The following SMIM31 variants were observed in gnomAD, a reference collection of about 807,000 sequenced individuals.
SMIM31 encodes small integral membrane protein 31, also known as human epithelial cell program regulator.
intron 2 of SMIM31, among the ~76,000 whole-genome samples, chr4:164,782,913 T>C (rs900369303): frequency 2.6e-4 from 39 of 152,112 alleles, no homozygotes; most frequent in Non-Finnish European, 2.2e-4. Flanking sequence ...CTTAAATTAA[T>C]TTCTAAATAA....
chr4:164,778,459 G>A (rs1354919192), intron 2 of SMIM31, among the ~76,000 whole-genome samples: 2 of 152,154 alleles, frequency 1.3e-5, no homozygotes, highest in Non-Finnish European at 2.9e-5. Flanking sequence ...CATTTAGGGA[G>A]TTATATGTGA....
intron 1 of SMIM31, among the ~76,000 whole-genome samples, chr4:164,769,269 G>A (rs959848031): frequency 2.6e-5 from 4 of 151,858 alleles, no homozygotes; most frequent in Non-Finnish European, 4.4e-5. Context: ...GCTTCATCAC[G>A]TCTCCGTACT....
At chr4:164,795,430 C>T (rs1733176634) in intron 2 of SMIM31, among the ~76,000 whole-genome samples, 2 of 151,552 alleles carry the variant, frequency 1.3e-5, no homozygotes, top group Admixed American at 6.6e-5. Context: ...TGGTGGTGGT[C>T]GCCTGTAATC....
intron 2 of SMIM31, among the ~76,000 whole-genome samples, chr4:164,785,337 A>AT (rs1043365882): frequency 6.6e-6 from 1 of 152,132 alleles, no homozygotes; most frequent in African/African-American, 2.4e-5. Context: ...TTCTTTAACT[A>AT]TTTTTTTGCT....
intron 2 of SMIM31, among the ~76,000 whole-genome samples, chr4:164,792,722 C>A (rs775138120): frequency 2.0e-5 from 3 of 152,060 alleles, no homozygotes; most frequent in Admixed American, 2.0e-4. Context: ...ACAGATTCAC[C>A]AAAGTTGCTA....
At chr4:164,768,638 A>G (rs1343793299) in intron 1 of SMIM31, among the ~76,000 whole-genome samples, 2 of 152,216 alleles carry the variant, frequency 1.3e-5, no homozygotes, top group African/African-American at 2.4e-5. Flanking sequence ...AGGGTACTAC[A>G]TATGTATAAT....
chr4:164,757,544 G>A (rs992158589), intron 1 of SMIM31, among the ~76,000 whole-genome samples: 2 of 150,950 alleles, frequency 1.3e-5, no homozygotes, highest in African/African-American at 4.9e-5. Flanking sequence ...AAGTCTTACT[G>A]TTTTAGCTTT....
intron 2 of SMIM31, among the ~76,000 whole-genome samples, chr4:164,774,345 A>T (rs762549518): frequency 1.6e-4 from 24 of 152,116 alleles, no homozygotes; most frequent in Non-Finnish European, 2.8e-4. Flanking sequence ...AAAAGATAAA[A>T]ATCTGATGTA....
chr4:164,790,325 A>G (rs374522484), intron 2 of SMIM31, among the ~76,000 whole-genome samples: 2 of 152,332 alleles, frequency 1.3e-5, no homozygotes, highest in East Asian at 3.8e-4. Flanking sequence ...TTTTAAATGA[A>G]TTAGTATTCA....
intron 2 of SMIM31, among the ~76,000 whole-genome samples, chr4:164,798,141 C>T (rs1402620806): frequency 6.6e-6 from 1 of 152,144 alleles, no homozygotes; most frequent in East Asian, 1.9e-4. Flanking sequence ...CATTGATGGA[C>T]ACTTAGGTTT....
At chr4:164,781,502 A>G (rs977827707) in intron 2 of SMIM31, among the ~76,000 whole-genome samples, 1 of 152,208 alleles carries the variant, frequency 6.6e-6, no homozygotes, top group Non-Finnish European at 1.5e-5. Context: ...AATATGAATG[A>G]ATCTCAAATG....
At chr4:164,754,551 A>ATTTTTTTTTTTTTTTTTTTTTTT (rs57916805) in intron 1 of SMIM31, 140 bp downstream of exon 1, 1 of 55,620 alleles carries the variant, frequency 1.8e-5, no homozygotes, top group African/African-American at 8.0e-5. Context: ...TCCTGGAGGT[A>ATTTTTTTTTTTTTTTTTTTTTTT]TTTTTTTTTT....
At chr4:164,772,617 C>T (rs1182779457) in intron 2 of SMIM31, among the ~76,000 whole-genome samples, 6 of 147,352 alleles carry the variant, frequency 4.1e-5, no homozygotes, top group Admixed American at 6.8e-5. Flanking sequence ...CTCGCTCTGT[C>T]GCCCAGGCTG....
chr4:164,793,174 T>C lies in SMIM31; in HGVS notation c.113-7917T>C, dbSNP rs752740967. On this transcript the variant is annotated intron_variant, in intron 2 of 2. Transcript: ENST00000507311. The stretch of plus-strand genomic sequence containing the variant: ...AAGCTAAATATTGGGTACTCATGAA[T>C]ATAAACATGGACAACAATAGATACT... Among the ~76,000 whole-genome samples the C allele has an allele frequency of 2.6e-5, 4 of 152,068 alleles. No homozygotes were observed. In the East Asian group the frequency reaches 7.7e-4, roughly 29 times the overall value.
At chr4:164,776,908 C>T (rs948745750) in intron 2 of SMIM31, among the ~76,000 whole-genome samples, 1 of 152,138 alleles carries the variant, frequency 6.6e-6, no homozygotes, top group African/African-American at 2.4e-5. Flanking sequence ...ATAATTTAAT[C>T]CTAAGATTAG....
chr4:164,795,822 C>T (rs1020769788), intron 2 of SMIM31, among the ~76,000 whole-genome samples: 1 of 151,908 alleles, frequency 6.6e-6, no homozygotes, highest in Non-Finnish European at 1.5e-5. Context: ...TACAATATGC[C>T]GGGGCTGCAT....
At chr4:164,764,494 G>T (rs920232448) in intron 1 of SMIM31, among the ~76,000 whole-genome samples, 7 of 151,510 alleles carry the variant, frequency 4.6e-5, no homozygotes, top group African/African-American at 1.7e-4. Flanking sequence ...TCGAACCTGG[G>T]AGGCGGAGGT....
chr4:164,794,236 G>T (rs1172045542), intron 2 of SMIM31, among the ~76,000 whole-genome samples: 1 of 151,968 alleles, frequency 6.6e-6, no homozygotes, highest in African/African-American at 2.4e-5. Flanking sequence ...AAATTTAGTT[G>T]GTAGCAGTGG....
chr4:164,784,963 C>A (rs984264621), intron 2 of SMIM31, among the ~76,000 whole-genome samples: 10 of 151,084 alleles, frequency 6.6e-5, no homozygotes, highest in African/African-American at 2.4e-4. Context: ...GTGGCTCACG[C>A]CTGTAATCCC....
Sources: allele counts gnomAD v4.1 joint callset (sites outside exome capture counted in the v4.1 genomes callset), GRCh38; gene constraint gnomAD v4.1.1; transcripts MANE v1.5; gene names NCBI Gene and HGNC (gene_info 2026-07-23, HGNC 2026-07-21).